Variants in RTL4 observed in about 807,000 individuals in gnomAD.
The protein encoded by RTL4 is retrotransposon Gag-like protein 4.
In RTL4, 4 loss-of-function variants were observed where a neutral mutation model predicts 5.3. That is an observed-to-expected ratio of 0.75 (90% CI 0.37 to 1.72). The LOEUF (loss-of-function observed/expected upper bound fraction) is 1.72. RTL4 is among the 40% of genes most tolerant of loss of function. The pLI is 0.04. For synonymous variants in RTL4, 98 were observed against 87.3 expected, an observed-to-expected ratio of 1.12 and a Z score of -0.68; for missense variants, 260 against 227.1, an observed-to-expected ratio of 1.14 and a Z score of -0.93.
chrX:112,201,290 T>A, the RTL4 span, among the ~76,000 whole-genome samples: 1 of 111,408 alleles, frequency 9.0e-6, no homozygotes, highest in African/African-American at 3.3e-5. Context: ...ATTATGGGGA[T>A]TACAATTCAA....
At chrX:112,143,939 C>T in the RTL4 span, among the ~76,000 whole-genome samples, 1 of 112,429 alleles carries the variant, frequency 8.9e-6, no homozygotes, top group South Asian at 3.7e-4. Context: ...CAACGTAAAA[C>T]ATGTTTTGAT....
the RTL4 span, among the ~76,000 whole-genome samples, chrX:112,091,380 T>A: frequency 8.9e-6 from 1 of 111,899 alleles, no homozygotes; most frequent in African/African-American, 3.2e-5. Context: ...ATGTATAATA[T>A]AAATATCAGT....
At chrX:112,342,804 T>C in the RTL4 span, among the ~76,000 whole-genome samples, 3 of 111,713 alleles carry the variant, frequency 2.7e-5, no homozygotes, top group Non-Finnish European at 5.6e-5. Flanking sequence ...GGAGTTCAAA[T>C]AAAAAGGGTA....
At chrX:112,330,689 G>A in the RTL4 span, among the ~76,000 whole-genome samples, 17 of 111,142 alleles carry the variant, frequency 1.5e-4, no homozygotes, top group South Asian at 3.8e-4. Context: ...AAAAGAGCCC[G>A]CATCGCCAAG....
chrX:112,166,783 C>A, the RTL4 span, among the ~76,000 whole-genome samples: 1 of 111,924 alleles, frequency 8.9e-6, no homozygotes, highest in South Asian at 3.8e-4. Flanking sequence ...AAAGGAATAA[C>A]AAAAGTACGC....
the RTL4 span, among the ~76,000 whole-genome samples, chrX:112,190,752 G>T: frequency 8.9e-6 from 1 of 112,131 alleles, no homozygotes; most frequent in Non-Finnish European, 1.9e-5. Flanking sequence ...TCTGAGAGTG[G>T]TTTAGAAGCA....
At chrX:112,246,121 G>A in the RTL4 span, among the ~76,000 whole-genome samples, 2 of 112,042 alleles carry the variant, frequency 1.8e-5, no homozygotes, top group East Asian at 5.7e-4. Context: ...GCTGTATGAG[G>A]TGTCTGTCAG....
chrX:112,448,269 C>T, the RTL4 span, among the ~76,000 whole-genome samples: 1 of 112,213 alleles, frequency 8.9e-6, no homozygotes, highest in Non-Finnish European at 1.9e-5. Context: ...TTACTTGAAA[C>T]AGCATGTACT....
chrX:112,439,303 C>G, the RTL4 span, among the ~76,000 whole-genome samples: 1 of 111,698 alleles, frequency 9.0e-6, no homozygotes, highest in Non-Finnish European at 1.9e-5. Context: ...AATGGCCAAC[C>G]CTGAGTTACT....
the RTL4 span, among the ~76,000 whole-genome samples, chrX:112,293,223 C>G: frequency 7.1e-5 from 8 of 112,606 alleles, no homozygotes; most frequent in African/African-American, 2.6e-4. Flanking sequence ...GTACTTTCAT[C>G]TTCCTTCCCA....
chrX:112,263,968 G>A, the RTL4 span, among the ~76,000 whole-genome samples: 1 of 111,681 alleles, frequency 9.0e-6, no homozygotes, highest in African/African-American at 3.3e-5. Flanking sequence ...TTGGTCTAGA[G>A]AAAAGGAGCT....
At chrX:112,417,132 G>A in the RTL4 span, among the ~76,000 whole-genome samples, 1 of 111,255 alleles carries the variant, frequency 9.0e-6, no homozygotes, top group African/African-American at 3.3e-5. Context: ...TTCAGGCTTG[G>A]ATGCCCAGTA....
At chrX:112,299,162 G>A in the RTL4 span, among the ~76,000 whole-genome samples, 1 of 111,434 alleles carries the variant, frequency 9.0e-6, no homozygotes, top group Admixed American at 9.5e-5. Flanking sequence ...TGCCCTGAGT[G>A]GGTTGCAAAT....
chrX:112,254,621 C>T, the RTL4 span, among the ~76,000 whole-genome samples: 1 of 110,475 alleles, frequency 9.1e-6, no homozygotes, highest in African/African-American at 3.3e-5. Flanking sequence ...GCCACCGCGC[C>T]TGGCCACCTT....
the RTL4 span, among the ~76,000 whole-genome samples, chrX:112,219,525 G>A: frequency 8.9e-6 from 1 of 112,055 alleles, no homozygotes; most frequent in East Asian, 2.8e-4. Flanking sequence ...TTTCAGGTAT[G>A]AGCTTTTCAT....
the RTL4 span, among the ~76,000 whole-genome samples, chrX:112,250,530 A>G: frequency 9.0e-6 from 1 of 111,687 alleles, no homozygotes; most frequent in African/African-American, 3.2e-5. Flanking sequence ...AAGTGTACAC[A>G]GGGCAGAGGT....
At chrX:112,302,853 T>G in the RTL4 span, among the ~76,000 whole-genome samples, 1 of 112,669 alleles carries the variant, frequency 8.9e-6, no homozygotes, top group South Asian at 3.6e-4. Context: ...ACTGTCACTA[T>G]CTAGACGTTC....
At chrX:112,212,072 T>A in the RTL4 span, among the ~76,000 whole-genome samples, 1 of 112,312 alleles carries the variant, frequency 8.9e-6, no homozygotes. Flanking sequence ...TAGAATTAAG[T>A]TTTGTAAAAA....
chrX:112,127,889 G>T, the RTL4 span, among the ~76,000 whole-genome samples: 1 of 111,834 alleles, frequency 8.9e-6, no homozygotes, highest in Non-Finnish European at 1.9e-5. Context: ...CTTGTACAAT[G>T]AAAACTACAA....
Sources: allele counts gnomAD v4.1 joint callset (sites outside exome capture counted in the v4.1 genomes callset), GRCh38; gene constraint gnomAD v4.1.1; transcripts MANE v1.5; gene names NCBI Gene and HGNC (gene_info 2026-07-23, HGNC 2026-07-21).